Variants in PLPP4 observed in about 807,000 individuals in gnomAD.
PLPP4 encodes the protein phospholipid phosphatase 4, also known as diacylglycerol pyrophosphate like 2.
Under a neutral mutation model 32.2 loss-of-function variants are expected in PLPP4, and 20 were observed. That is an observed-to-expected ratio of 0.62 (90% CI 0.44 to 0.90). The LOEUF is 0.90. Ranked by LOEUF, PLPP4 falls within the 40% of genes least tolerant of loss-of-function variation. PLPP4 has a pLI of 0.00. For synonymous variants in PLPP4, 127 were observed against 133.0 expected, an observed-to-expected ratio of 0.95 and a Z score of 0.31; for missense variants, 257 against 353.1, an observed-to-expected ratio of 0.73 and a Z score of 2.18.
chr10:120,489,272 T>A (rs934551262), intron 1 of PLPP4, among the ~76,000 whole-genome samples: 2 of 152,128 alleles, frequency 1.3e-5, no homozygotes, highest in African/African-American at 4.8e-5. Context: ...CAGGGACACA[T>A]TGACCACACA....
At chr10:120,513,875 A>G in intron 2 of PLPP4, 36 bp from the exon 3 acceptor site, 3 of 1,497,500 alleles carry the variant, frequency 2.0e-6, no homozygotes, top group South Asian at 1.1e-5. Flanking sequence ...TAGCAAACTG[A>G]TGTCCTCATA....
chr10:120,474,828 A>T (rs374462509), intron 1 of PLPP4, among the ~76,000 whole-genome samples: 12 of 152,138 alleles, frequency 7.9e-5, no homozygotes, highest in African/African-American at 1.9e-4. Flanking sequence ...AAGGCAATTT[A>T]CTCCTTGACT....
At chr10:120,515,437 G>A (rs577705588) in intron 3 of PLPP4, among the ~76,000 whole-genome samples, 1 of 152,316 alleles carries the variant, frequency 6.6e-6, no homozygotes, top group Admixed American at 6.5e-5. Context: ...CTGTCTGCCT[G>A]TTCAACTTCG....
chr10:120,511,519 T>C (rs1379058261), intron 2 of PLPP4, among the ~76,000 whole-genome samples: 1 of 152,206 alleles, frequency 6.6e-6, no homozygotes, highest in Non-Finnish European at 1.5e-5. Flanking sequence ...GGTAGTATCA[T>C]TACTGGGTCG....
At chr10:120,511,828 T>C (rs1315530611) in intron 2 of PLPP4, among the ~76,000 whole-genome samples, 1 of 152,164 alleles carries the variant, frequency 6.6e-6, no homozygotes, top group African/African-American at 2.4e-5. Context: ...GTGCGGTGGC[T>C]CACACCTGTA....
At chr10:120,588,623 A>T (rs1221539498) in intron 6 of PLPP4, among the ~76,000 whole-genome samples, 1 of 152,240 alleles carries the variant, frequency 6.6e-6, no homozygotes, top group African/African-American at 2.4e-5. Flanking sequence ...AAGAAAAAAA[A>T]AATTACAGCT....
At chr10:120,530,069 G>C (rs965623968) in intron 5 of PLPP4, among the ~76,000 whole-genome samples, 4 of 152,198 alleles carry the variant, frequency 2.6e-5, no homozygotes, top group Non-Finnish European at 5.9e-5. Flanking sequence ...ACAGCATTCT[G>C]CCCTTCTTGT....
intron 6 of PLPP4, among the ~76,000 whole-genome samples, chr10:120,583,093 A>G (rs1402806792): frequency 1.3e-5 from 2 of 151,944 alleles, no homozygotes; most frequent in African/African-American, 4.8e-5. Flanking sequence ...TTGCCCTAGT[A>G]CCTTGGGTCA....
At chr10:120,489,046 T>C (rs919776952) in intron 1 of PLPP4, among the ~76,000 whole-genome samples, 9 of 152,144 alleles carry the variant, frequency 5.9e-5, no homozygotes, top group African/African-American at 2.2e-4. Flanking sequence ...CTTCCCTCCC[T>C]CCCTACTTCC....
At chr10:120,489,742 T>TA (rs927145941) in intron 1 of PLPP4, among the ~76,000 whole-genome samples, 6 of 150,232 alleles carry the variant, frequency 4.0e-5, no homozygotes, top group East Asian at 3.9e-4. Flanking sequence ...GAGTTACATT[T>TA]AAAAAAAAAA....
chr10:120,580,642 T>TACACACAC (rs59076083), intron 6 of PLPP4, among the ~76,000 whole-genome samples: 3,412 of 95,676 alleles, frequency 0.036, 68 homozygotes, highest in African/African-American at 0.072. Flanking sequence ...CTCTGTCTCT[T>TACACACAC]ACACACACAC....
chr10:120,466,799 G>A (rs1246696172), intron 1 of PLPP4, among the ~76,000 whole-genome samples: 3 of 152,108 alleles, frequency 2.0e-5, no homozygotes, highest in African/African-American at 4.8e-5. Context: ...AAGATGAGGT[G>A]ATGTAAGCTG....
At chr10:120,463,248 G>C (rs181242478) in intron 1 of PLPP4, among the ~76,000 whole-genome samples, 19 of 152,098 alleles carry the variant, frequency 1.2e-4, no homozygotes, top group Admixed American at 8.5e-4. Flanking sequence ...GGATGGTCTC[G>C]ATCTCCTGAC....
chr10:120,569,345 C>G (rs1238263825), intron 5 of PLPP4, among the ~76,000 whole-genome samples: 1 of 152,186 alleles, frequency 6.6e-6, no homozygotes, highest in Non-Finnish European at 1.5e-5. Context: ...GGACAGCCAC[C>G]TTCCTCCCGC....
intron 5 of PLPP4, among the ~76,000 whole-genome samples, chr10:120,550,696 A>T (rs897052829): frequency 6.6e-6 from 1 of 151,968 alleles, no homozygotes; most frequent in African/African-American, 2.4e-5. Flanking sequence ...ATTCTGAATA[A>T]AAGTGTGGGA....
At chr10:120,470,757 A>G (rs1459118651) in intron 1 of PLPP4, among the ~76,000 whole-genome samples, 1 of 149,934 alleles carries the variant, frequency 6.7e-6, no homozygotes, top group Non-Finnish European at 1.5e-5. Context: ...AGATATCTGT[A>G]GGGAAAATTT....
At chr10:120,571,980 C>T (rs184587701) in intron 5 of PLPP4, among the ~76,000 whole-genome samples, 58 of 152,226 alleles carry the variant, frequency 3.8e-4, no homozygotes, top group Middle Eastern at 6.8e-3. Context: ...AGTAAGGGCA[C>T]ACAGTGAAGT....
At chr10:120,528,611 C>T (rs1056022389) in intron 5 of PLPP4, among the ~76,000 whole-genome samples, 4 of 151,996 alleles carry the variant, frequency 2.6e-5, no homozygotes, top group Admixed American at 1.3e-4. Context: ...CTCAAGCTTC[C>T]AAGACAATTG....
At chr10:120,581,344 C>A (rs4465302) in intron 6 of PLPP4, 360,980 of 974,512 alleles carry the variant, frequency 0.37, 67,367 homozygotes, top group African/African-American at 0.39. Context: ...TCTAGTGATC[C>A]TCAGTTGTTG....
Sources: gnomAD v4.1 joint callset for allele counts (sites outside exome capture counted in the v4.1 genomes callset) on GRCh38, gnomAD v4.1.1 for gene constraint, MANE v1.5 for transcripts, NCBI Gene and HGNC (gene_info 2026-07-23, HGNC 2026-07-21) for gene names.